Variants in ACER3 observed in about 807,000 individuals in gnomAD.
ACER3 encodes the protein alkaline ceramidase 3.
Under a neutral mutation model 48.9 loss-of-function variants are expected in ACER3, and 16 were observed. The ratio of observed to expected loss-of-function variants is 0.33; its 90% CI spans 0.22 to 0.50. ACER3 has a LOEUF of 0.50. Among genes scored for constraint, ACER3 ranks in the 20% least tolerant of loss-of-function variants. The pLI, the probability that ACER3 is intolerant of heterozygous loss-of-function variation, is 0.98. For synonymous variants in ACER3, 109 were observed against 107.8 expected, an observed-to-expected ratio of 1.01 and a Z score of -0.07; for missense variants, 227 against 326.0, an observed-to-expected ratio of 0.70 and a Z score of 2.34.
intron 1 of ACER3, among the ~76,000 whole-genome samples, chr11:76,871,889 A>C (rs948439083): frequency 1.3e-5 from 2 of 152,168 alleles, no homozygotes; most frequent in Admixed American, 6.5e-5. Context: ...ATGGTATGTT[A>C]GAGTCACGTT....
intron 2 of ACER3, among the ~76,000 whole-genome samples, chr11:76,940,318 T>C (rs1334750642): frequency 6.6e-6 from 1 of 152,154 alleles, no homozygotes; most frequent in Non-Finnish European, 1.5e-5. Context: ...AAAGATAAAA[T>C]GCAAAATGTT....
At chr11:76,938,634 G>A (rs572275502) in intron 2 of ACER3, among the ~76,000 whole-genome samples, 25 of 152,210 alleles carry the variant, frequency 1.6e-4, no homozygotes, top group African/African-American at 6.0e-4. Context: ...AACCTATATT[G>A]ATATTGTTAG....
chr11:76,977,047 G>A (rs1221436051), intron 4 of ACER3, among the ~76,000 whole-genome samples: 4 of 152,222 alleles, frequency 2.6e-5, no homozygotes, highest in Non-Finnish European at 4.4e-5. Context: ...GTGCTAGGCA[G>A]TGTACAATGC....
intron 1 of ACER3, among the ~76,000 whole-genome samples, chr11:76,880,592 A>G (rs932139745): frequency 6.6e-6 from 1 of 152,210 alleles, no homozygotes; most frequent in African/African-American, 2.4e-5. Flanking sequence ...TCAGATTCAG[A>G]TTCTTCTTGG....
At chr11:76,975,336 A>G (rs1282730840) in intron 3 of ACER3, among the ~76,000 whole-genome samples, 1 of 152,194 alleles carries the variant, frequency 6.6e-6, no homozygotes, top group African/African-American at 2.4e-5. Context: ...TGTATCTAGT[A>G]ATAAATAAAC....
At chr11:76,932,380 C>T (rs184440898) in intron 2 of ACER3, among the ~76,000 whole-genome samples, 347 of 152,248 alleles carry the variant, frequency 2.3e-3, no homozygotes, top group South Asian at 6.6e-3. Context: ...TCAGATTCTA[C>T]CTTAGATTAT....
chr11:76,964,748 G>A (rs1948093696), intron 3 of ACER3, among the ~76,000 whole-genome samples: 1 of 151,292 alleles, frequency 6.6e-6, no homozygotes, highest in Non-Finnish European at 1.5e-5. Context: ...CTGCAGCTGA[G>A]GGTCCTGACT....
chr11:76,941,644 T>A (rs555733095), intron 2 of ACER3, among the ~76,000 whole-genome samples: 1 of 152,230 alleles, frequency 6.6e-6, no homozygotes, highest in African/African-American at 2.4e-5. Context: ...CTGCCTCTTT[T>A]TTGGTTTCAT....
At position 77,009,044 on chromosome 11, in the gene ACER3, A is replaced by G. The variant is rs150875900; in HGVS notation, c.498-5972A>G. On this transcript the variant is annotated intron_variant, in intron 7 of 10. Coordinates refer to ENST00000532485, the MANE Select transcript of ACER3 (RefSeq NM_018367.7). ...CACTGCACTCCAGCCTGAACAACAGAGCAAGACCCTGTCTCCAAATAATAG... is the reference window on the plus strand; with the variant it reads ...CACTGCACTCCAGCCTGAACAACAGGGCAAGACCCTGTCTCCAAATAATAG... 3.2e-4 allele frequency among the ~76,000 whole-genome samples: 49 copies of G among 152,348 alleles called. No homozygotes were observed. In the East Asian group the frequency reaches 9.3e-3, roughly 29 times the overall value.
chr11:76,881,041 A>G (rs1945511990), intron 1 of ACER3, among the ~76,000 whole-genome samples: 1 of 152,010 alleles, frequency 6.6e-6, no homozygotes, highest in Non-Finnish European at 1.5e-5. Flanking sequence ...GGATTGTTTG[A>G]GCCCAGGAGT....
chr11:76,868,320 GA>G (rs1184448387), intron 1 of ACER3: 16 of 1,250,058 alleles, frequency 1.3e-5, no homozygotes, highest in Admixed American at 2.9e-5. Context: ...GTCAACTGAA[GA>G]ATGAAGGCCA....
chr11:76,983,833 C>CA (rs1948635717), intron 4 of ACER3, among the ~76,000 whole-genome samples: 1 of 151,510 alleles, frequency 6.6e-6, no homozygotes, highest in Admixed American at 6.6e-5. Context: ...CACTGTCGCC[C>CA]AGGCTGGAGT....
intron 7 of ACER3, among the ~76,000 whole-genome samples, chr11:77,012,312 G>T (rs1555022340): frequency 1.3e-5 from 2 of 151,522 alleles, no homozygotes. Flanking sequence ...CAGCTACTTG[G>T]GAGGCTGAGG....
At chr11:76,986,023 T>C (rs1948679336) in intron 5 of ACER3, among the ~76,000 whole-genome samples, 1 of 152,266 alleles carries the variant, frequency 6.6e-6, no homozygotes, top group Non-Finnish European at 1.5e-5. Flanking sequence ...TATTAGCTCC[T>C]ATTTGTTAAA....
intron 2 of ACER3, among the ~76,000 whole-genome samples, chr11:76,928,597 T>C (rs181711332): frequency 2.6e-3 from 397 of 152,362 alleles, no homozygotes; most frequent in Non-Finnish European, 4.4e-3. Context: ...GTTTTAGGTC[T>C]AATATTTAAG....
chr11:76,941,977 T>C (rs1049168980), intron 2 of ACER3, among the ~76,000 whole-genome samples: 1 of 152,124 alleles, frequency 6.6e-6, no homozygotes, highest in Non-Finnish European at 1.5e-5. Context: ...AGATCATTGT[T>C]GGTTTATAGA....
intron 2 of ACER3, among the ~76,000 whole-genome samples, chr11:76,937,914 T>C (rs993867110): frequency 1.3e-5 from 2 of 152,210 alleles, no homozygotes; most frequent in African/African-American, 4.8e-5. Context: ...CTTTCCTACG[T>C]TTATTTACTA....
rs1415942742 is a variant in ACER3 at position 77,025,787 on chromosome 11, AC to A, written c.*5461del. 5 of 152,152 alleles carry A rather than the reference AC, an allele frequency of 3.3e-5. 1 individual carries two copies. Among genetic ancestry groups the A allele is most frequent in the Non-Finnish European group, 7.3e-5 (5 of 68,032 alleles). 9.4% of individuals were successfully genotyped at this position (152,152 alleles called of 1,614,324 possible). A position where few individuals can be genotyped will look rare whatever the true frequency, so the allele number is the denominator to read the frequency against. ...GTAGCCTGCAAAGCCTAAAATGTTT[AC>A]TCTCTGGCTTGGGAGTTTGTCTCCC... is the stretch of plus-strand genomic sequence containing the variant. On this transcript the variant is annotated 3_prime_UTR_variant, in exon 11 of 11. Coordinates refer to ENST00000532485, the MANE Select transcript of ACER3 (RefSeq NM_018367.7).
At chr11:77,007,680 T>C (rs988797605) in intron 7 of ACER3, among the ~76,000 whole-genome samples, 2 of 152,198 alleles carry the variant, frequency 1.3e-5, no homozygotes, top group Non-Finnish European at 2.9e-5. Context: ...CACGGGAAGA[T>C]AGATATCCAA....
Sources: gnomAD v4.1 joint callset for allele counts (sites outside exome capture counted in the v4.1 genomes callset) on GRCh38, gnomAD v4.1.1 for gene constraint, MANE v1.5 for transcripts, NCBI Gene and HGNC (gene_info 2026-07-23, HGNC 2026-07-21) for gene names.